RNF115: variants seen among roughly 807,000 people sequenced by gnomAD.
The protein encoded by RNF115 is ring finger protein 115.
In RNF115, 31 loss-of-function variants were observed where a neutral mutation model predicts 39.2. The observed-to-expected ratio is 0.79, with a 90% confidence interval of 0.59 to 1.07. RNF115 has a LOEUF of 1.07. RNF115 is among the 50% of genes least tolerant of loss of function. The pLI, the probability that RNF115 is intolerant of heterozygous loss-of-function variation, is 0.00. For missense variants in RNF115, 384 were observed against 381.7 expected (o/e 1.01, Z -0.05); for synonymous variants, 124 against 131.0 (o/e 0.95, Z 0.37).
intron 4 of RNF115, among the ~76,000 whole-genome samples, chr1:145,759,360 G>C (rs1429038793): frequency 1.3e-5 from 2 of 152,074 alleles, no homozygotes; most frequent in African/African-American, 4.8e-5. Flanking sequence ...CAAACTGAAT[G>C]AACTCTTAAA....
At chr1:145,772,325 A>G (rs1015225207) in intron 3 of RNF115, 6 of 173,018 alleles carry the variant, frequency 3.5e-5, no homozygotes, top group Admixed American at 2.8e-4. Flanking sequence ...ATTAAAATGC[A>G]TGTTTCGGTC....
chr1:145,819,423 G>C (rs1396578665), intron 1 of RNF115, among the ~76,000 whole-genome samples: 8 of 152,020 alleles, frequency 5.3e-5, no homozygotes, highest in South Asian at 2.1e-4. Flanking sequence ...CTGAACTCCA[G>C]TATGGGCGAC....
intron 1 of RNF115, among the ~76,000 whole-genome samples, chr1:145,820,510 T>C (rs1282666862): frequency 6.6e-6 from 1 of 151,060 alleles, no homozygotes; most frequent in African/African-American, 2.4e-5. Context: ...GAGGCCAAGG[T>C]GGGCATATCA....
chr1:145,778,835 C>T (rs1241227394), intron 3 of RNF115, among the ~76,000 whole-genome samples: 2 of 152,214 alleles, frequency 1.3e-5, no homozygotes, highest in African/African-American at 4.8e-5. Flanking sequence ...TTTCGCATTT[C>T]TCCAGCAAGT....
Position 145,800,315 on chromosome 1 carries a change from T to C in RNF115, c.103-11349A>G, listed in dbSNP as rs139503902. ...CCACTCTGTGAGGTAAATATTGTTA[T>C]TGCTATTTTACAAACAAGAAAATGA... On this transcript the variant is annotated intron_variant, in intron 1 of 8. Coordinates refer to ENST00000582693, the MANE Select transcript of RNF115 (RefSeq NM_014455.4). Among the ~76,000 whole-genome samples, 604 of 152,308 alleles carry C rather than the reference T, an allele frequency of 4.0e-3. 3 individuals carry two copies. The highest frequency in any genetic ancestry group is 0.014 in the Middle Eastern group (4 of 294).
At chr1:145,812,690 T>C (rs1322548226) in intron 1 of RNF115, among the ~76,000 whole-genome samples, 1 of 150,970 alleles carries the variant, frequency 6.6e-6, no homozygotes, top group African/African-American at 2.4e-5. Flanking sequence ...AAAATCTAAC[T>C]GGTCTGTTTT....
intron 4 of RNF115, among the ~76,000 whole-genome samples, chr1:145,763,834 G>GA (rs1202604006): frequency 1.1e-4 from 17 of 152,130 alleles, no homozygotes; most frequent in African/African-American, 4.1e-4. Context: ...TAACACAAAG[G>GA]AAAAAACCTA....
At chr1:145,768,219 G>A (rs781823014) in intron 4 of RNF115, among the ~76,000 whole-genome samples, 2 of 152,242 alleles carry the variant, frequency 1.3e-5, no homozygotes, top group Non-Finnish European at 2.9e-5. Flanking sequence ...GGGCTCACAG[G>A]AGATGCCCCT....
At position 145,787,058 on chromosome 1, in the gene RNF115, T is replaced by C. The variant is rs1426170136; in HGVS notation, c.161+1850A>G. On this transcript the variant is annotated intron_variant, in intron 2 of 8. Coordinates refer to ENST00000582693, the MANE Select transcript of RNF115 (RefSeq NM_014455.4). ...TGGTTGTGGAAGGGACCTTCAACTTTAGATTCTGCCAACAGTAACAGTAAA... is the reference window on the plus strand; with the variant it reads ...TGGTTGTGGAAGGGACCTTCAACTTCAGATTCTGCCAACAGTAACAGTAAA... 5 of 1,276,104 alleles carry C rather than the reference T, an allele frequency of 3.9e-6. No homozygotes were observed. The Admixed American group carries it at 1.1e-4, about 29-fold the overall frequency. 79.0% of individuals were successfully genotyped at this position (1,276,104 alleles called of 1,614,324 possible).
intron 5 of RNF115, among the ~76,000 whole-genome samples, chr1:145,752,327 T>C (rs1191442431): frequency 6.6e-6 from 1 of 152,128 alleles, no homozygotes; most frequent in Non-Finnish European, 1.5e-5. Flanking sequence ...AAAATATTCC[T>C]GTGTAGTCTA....
intron 1 of RNF115, among the ~76,000 whole-genome samples, chr1:145,821,395 A>C (rs1553724339): frequency 7.8e-6 from 1 of 128,738 alleles, no homozygotes; most frequent in Non-Finnish European, 1.8e-5. Flanking sequence ...CTTTGAAGTA[A>C]GGACTTAAAG....
At chr1:145,797,980 T>C (rs1649057855) in intron 1 of RNF115, among the ~76,000 whole-genome samples, 1 of 152,212 alleles carries the variant, frequency 6.6e-6, no homozygotes, top group Non-Finnish European at 1.5e-5. Context: ...CATTTGCCTA[T>C]TTTTTAATCT....
At chr1:145,767,972 AGAGAGGGAGAGGGAGACCGTGGG>A (rs1553715273) in intron 4 of RNF115, among the ~76,000 whole-genome samples, 3 of 151,962 alleles carry the variant, frequency 2.0e-5, no homozygotes, top group East Asian at 1.9e-4. Context: ...GACCATGGCA[AGAGAGGGAGAGGGAGACCGTGGG>A]GAGAGGGAGA....
At chr1:145,817,962 A>AT (rs1471206962) in intron 1 of RNF115, among the ~76,000 whole-genome samples, 1 of 129,064 alleles carries the variant, frequency 7.7e-6, no homozygotes, top group East Asian at 2.5e-4. Context: ...ATAGTATCCC[A>AT]TGATGTATAT....
chr1:145,816,109 G>A (rs1189238969), intron 1 of RNF115, among the ~76,000 whole-genome samples: 1 of 30,882 alleles, frequency 3.2e-5, no homozygotes, highest in East Asian at 8.3e-4. Context: ...CTCTTTTTGC[G>A]AGTGCAATGG....
chr1:145,777,267 C>G (rs1040127456), intron 3 of RNF115, among the ~76,000 whole-genome samples: 3 of 152,048 alleles, frequency 2.0e-5, no homozygotes, highest in Admixed American at 1.3e-4. Flanking sequence ...GCAGAAAAGT[C>G]AAGCACCAAG....
chr1:145,807,194 A>T (rs1649499074), intron 1 of RNF115, among the ~76,000 whole-genome samples: 1 of 152,220 alleles, frequency 6.6e-6, no homozygotes, highest in African/African-American at 2.4e-5. Context: ...TGTACTTCAC[A>T]AATAGAGTAT....
chr1:145,784,121 C>T (rs1476963783), intron 3 of RNF115, among the ~76,000 whole-genome samples: 2 of 152,188 alleles, frequency 1.3e-5, no homozygotes, highest in Non-Finnish European at 2.9e-5. Context: ...TACCTCTGTA[C>T]AAGGTTGAAG....
chr1:145,793,437 CAG>C (rs1176133777), intron 1 of RNF115, among the ~76,000 whole-genome samples: 7 of 152,118 alleles, frequency 4.6e-5, no homozygotes, highest in Non-Finnish European at 1.0e-4. Context: ...ATTCAAAAAA[CAG>C]AGTCAATAGA....
Sources: gnomAD v4.1 joint callset for allele counts (sites outside exome capture counted in the v4.1 genomes callset) on GRCh38, gnomAD v4.1.1 for gene constraint, MANE v1.5 for transcripts, NCBI Gene and HGNC (gene_info 2026-07-23, HGNC 2026-07-21) for gene names.